The following CCDC149 variants were observed in gnomAD, a reference collection of about 807,000 sequenced individuals.
The protein encoded by CCDC149 is coiled-coil domain containing 149, also known as coiled-coil domain-containing protein 149.
CCDC149 carries 45 observed loss-of-function variants against 59.9 expected under a neutral mutation model. That is an observed-to-expected ratio of 0.75 (90% CI 0.59 to 0.96). The LOEUF is 0.96. Ranked by LOEUF, CCDC149 falls within the 40% of genes least tolerant of loss-of-function variation. CCDC149 has a pLI of 0.00. For missense variants in CCDC149, 584 were observed against 664.7 expected, an observed-to-expected ratio of 0.88 and a Z score of 1.33; for synonymous variants, 245 against 260.6, an observed-to-expected ratio of 0.94 and a Z score of 0.58.
chr4:24,845,866 C>A (rs1470202652), intron 4 of CCDC149, among the ~76,000 whole-genome samples: 3 of 152,220 alleles, frequency 2.0e-5, no homozygotes, highest in South Asian at 2.1e-4. Flanking sequence ...TCAGATAGTT[C>A]AGCACATGTT....
At chr4:24,958,387 C>T (rs77790081) in intron 1 of CCDC149, among the ~76,000 whole-genome samples, 2,988 of 152,302 alleles carry the variant, frequency 0.02, 116 homozygotes, top group African/African-American at 0.069. Context: ...GCACCACTAT[C>T]TAAAGCTCAC....
At chr4:24,930,995 G>T (rs1167599753) in intron 1 of CCDC149, among the ~76,000 whole-genome samples, 1 of 151,992 alleles carries the variant, frequency 6.6e-6, no homozygotes, top group Non-Finnish European at 1.5e-5. Flanking sequence ...ATTATTCCAG[G>T]TAACACATAC....
At chr4:24,909,770 C>T (rs1441964104) in intron 1 of CCDC149, among the ~76,000 whole-genome samples, 1 of 152,126 alleles carries the variant, frequency 6.6e-6, no homozygotes, top group Non-Finnish European at 1.5e-5. Flanking sequence ...CCTGCAGAAG[C>T]TCTCTCTCTT....
chr4:24,814,402 C>T (rs78864176), intron 12 of CCDC149, among the ~76,000 whole-genome samples: 1,635 of 152,272 alleles, frequency 0.011, 34 homozygotes, highest in African/African-American at 0.035. Flanking sequence ...TCTGTTTAGC[C>T]AGGATGAGGT....
intron 1 of CCDC149, among the ~76,000 whole-genome samples, chr4:24,961,233 TGA>T (rs1419530540): frequency 6.6e-6 from 1 of 152,202 alleles, no homozygotes; most frequent in Admixed American, 6.5e-5. Context: ...ATGGTGGTGG[TGA>T]GTTTCCTCCA....
At chr4:24,897,741 G>A (rs909808464) in intron 1 of CCDC149, among the ~76,000 whole-genome samples, 3 of 152,206 alleles carry the variant, frequency 2.0e-5, no homozygotes, top group African/African-American at 7.2e-5. Context: ...TTGGGCACGA[G>A]TTTGGATTTG....
intron 1 of CCDC149, among the ~76,000 whole-genome samples, chr4:24,972,041 C>T (rs1723984895): frequency 6.6e-6 from 1 of 152,216 alleles, no homozygotes; most frequent in African/African-American, 2.4e-5. Context: ...TTACACATAT[C>T]AATCGGTCCC....
chr4:24,854,866 A>C (rs1479568334), intron 3 of CCDC149, among the ~76,000 whole-genome samples: 2 of 152,130 alleles, frequency 1.3e-5, no homozygotes, highest in Admixed American at 1.3e-4. Context: ...CTCCCTCCAG[A>C]GAGCCTCTTG....
chr4:24,973,742 G>A (rs754526289), intron 1 of CCDC149, among the ~76,000 whole-genome samples: 1 of 152,184 alleles, frequency 6.6e-6, no homozygotes, highest in African/African-American at 2.4e-5. Context: ...TGATTAACCC[G>A]GTCTGAACTG....
rs115367176 is a variant in CCDC149, at chr4:24,814,332, G to A, written c.1193-5513C>T. On this transcript the variant is annotated intron_variant, in intron 12 of 12. Transcript: ENST00000635206. ...TAAGGTATGTGTTAGTTCTTGATGC[G>A]CAAATGTATAGATGTGTGAATAAAT... Among the ~76,000 whole-genome samples the A allele has an allele frequency of 3.0e-3, 450 of 152,228 alleles. 3 individuals carry two copies. The highest frequency in any genetic ancestry group is 9.9e-3 in the African/African-American group (413 of 41,542).
upstream of CCDC149, among the ~76,000 whole-genome samples, chr4:24,917,326 G>A (rs1394068207): frequency 6.6e-6 from 1 of 152,252 alleles, no homozygotes; most frequent in Non-Finnish European, 1.5e-5. Context: ...GTGGAAGGAA[G>A]TTGCACTCCC....
intron 3 of CCDC149, among the ~76,000 whole-genome samples, chr4:24,868,539 T>A (rs1718835114): frequency 6.6e-6 from 1 of 152,200 alleles, no homozygotes; most frequent in Non-Finnish European, 1.5e-5. Context: ...TTTTAATTAC[T>A]TTGTATGTTG....
chr4:24,838,311 G>A (rs1716684775), intron 4 of CCDC149, 39 bp from the exon 5 acceptor site: 2 of 1,450,638 alleles, frequency 1.4e-6, no homozygotes, highest in African/African-American at 2.8e-5. Flanking sequence ...AAGGCACAGA[G>A]AATAAACAGA....
intron 1 of CCDC149, among the ~76,000 whole-genome samples, chr4:24,931,331 A>ATATATATATATATATC (rs1394185015): frequency 7.5e-5 from 11 of 147,524 alleles, no homozygotes; most frequent in African/African-American, 2.5e-4. Context: ...ATATATATAT[A>ATATATATATATATATC]TCTCAGTACA....
upstream of CCDC149, among the ~76,000 whole-genome samples, chr4:24,917,301 G>A (rs554356212): frequency 6.6e-6 from 1 of 152,352 alleles, no homozygotes; most frequent in East Asian, 1.9e-4. Context: ...CTGCCAATCA[G>A]CCAGGCAGCA....
At chr4:24,889,948 G>C (rs962499864) in intron 1 of CCDC149, among the ~76,000 whole-genome samples, 5 of 152,218 alleles carry the variant, frequency 3.3e-5, no homozygotes, top group African/African-American at 9.6e-5. Flanking sequence ...AAGGGGACCT[G>C]TAATCGTGCT....
chr4:24,830,797 T>C (rs1184453102), intron 9 of CCDC149: 2 of 152,216 alleles, frequency 1.3e-5, no homozygotes, highest in African/African-American at 4.8e-5. Context: ...ATGGTGACAG[T>C]GGAAGATCAG....
At chr4:24,876,087 G>A (rs1368068461) in intron 2 of CCDC149, among the ~76,000 whole-genome samples, 1 of 152,012 alleles carries the variant, frequency 6.6e-6, no homozygotes, top group Non-Finnish European at 1.5e-5. Context: ...CGATGCCTAC[G>A]TGGTGCACTC....
chr4:24,944,100 C>T (rs1434886375), intron 1 of CCDC149, among the ~76,000 whole-genome samples: 14 of 152,126 alleles, frequency 9.2e-5, no homozygotes, highest in African/African-American at 3.1e-4. Flanking sequence ...CACATGCACA[C>T]GTATGTTTAT....
Sources: allele counts gnomAD v4.1 joint callset (sites outside exome capture counted in the v4.1 genomes callset), GRCh38; gene constraint gnomAD v4.1.1; transcripts MANE v1.5; gene names NCBI Gene and HGNC (gene_info 2026-07-23, HGNC 2026-07-21).